Variants in RAD54B observed in about 807,000 individuals in gnomAD.
The protein encoded by RAD54B is DNA repair and recombination protein RAD54B.
A neutral mutation model predicts 95.8 loss-of-function variants in RAD54B; 78 were observed. The observed-to-expected ratio is 0.81, with a 90% CI of 0.68 to 0.98. The LOEUF is 0.98. RAD54B is among the 50% of genes least tolerant of loss of function. The pLI is 0.00. For synonymous variants in RAD54B, 328 were observed against 354.9 expected (o/e 0.92, Z 0.85); for missense variants, 957 against 1,056.6 (o/e 0.91, Z 1.31).
chr8:94,412,336 G>A (rs1381967843), intron 3 of RAD54B, among the ~76,000 whole-genome samples: 1 of 151,290 alleles, frequency 6.6e-6, no homozygotes, highest in African/African-American at 2.4e-5. Flanking sequence ...CAAGGAACAT[G>A]GGAATGCAGA....
At chr8:94,456,199 C>T (rs1001650485) in intron 3 of RAD54B, among the ~76,000 whole-genome samples, 3 of 152,136 alleles carry the variant, frequency 2.0e-5, no homozygotes, top group African/African-American at 7.2e-5. Context: ...AGACCTACAT[C>T]TTCATTCTCA....
intron 11 of RAD54B, among the ~76,000 whole-genome samples, chr8:94,382,845 C>T (rs2129962651): frequency 6.6e-6 from 1 of 152,332 alleles, no homozygotes; most frequent in Non-Finnish European, 1.5e-5. Context: ...GTCTTTGCTT[C>T]CCCTTTGCCT....
intron 2 of RAD54B, among the ~76,000 whole-genome samples, chr8:94,461,808 G>C (rs1812912989): frequency 6.6e-6 from 1 of 152,102 alleles, no homozygotes; most frequent in African/African-American, 2.4e-5. Flanking sequence ...ACTTCAAGGT[G>C]TGTTTCCAAA....
At chr8:94,443,164 T>C (rs1812441088) in intron 3 of RAD54B, among the ~76,000 whole-genome samples, 1 of 152,120 alleles carries the variant, frequency 6.6e-6, no homozygotes, top group African/African-American at 2.4e-5. Flanking sequence ...GATCATGTCT[T>C]TTGCAGGGAC....
Position 94,385,906 on chromosome 8 carries a change from T to A in RAD54B, c.1985+1078A>T, listed in dbSNP as rs535305146. ...GGACCACATGGTATGTGTGAAGGAGTGATGAGAGATGAGGCTGGAAAAGGA... is the reference window on the plus strand; with the variant it reads ...GGACCACATGGTATGTGTGAAGGAGAGATGAGAGATGAGGCTGGAAAAGGA... On this transcript the variant is annotated intron_variant, in intron 11 of 14. Coordinates refer to ENST00000336148, the MANE Select transcript of RAD54B (RefSeq NM_012415.3). Among the ~76,000 whole-genome samples, 6 of 151,622 alleles carry A rather than the reference T, an allele frequency of 4.0e-5. No homozygotes were observed. The East Asian group carries it at 1.2e-3, about 29-fold the overall frequency.
chr8:94,430,673 A>G, intron 3 of RAD54B: 3 of 778,590 alleles, frequency 3.9e-6, no homozygotes, highest in Non-Finnish European at 4.7e-6. Context: ...CCAATGGCTC[A>G]GTGAGGCCCA....
intron 2 of RAD54B, among the ~76,000 whole-genome samples, chr8:94,461,175 T>TC (rs1448444008): frequency 1.5e-4 from 20 of 137,526 alleles, no homozygotes; most frequent in Non-Finnish European, 2.8e-4. Context: ...TTTTTTTTTT[T>TC]TTTTTTTTTT....
chr8:94,391,577 C>A lies in RAD54B; in HGVS notation c.1809+32G>T, dbSNP rs765292287. The stretch of plus-strand genomic sequence containing the variant: ...TTCATATACTATAGAACCCTCATAT[C>A]CCTGACACAGTTTCAGATACTATGC... On this transcript the variant is annotated intron_variant, in intron 10 of 14. Transcript: ENST00000336148. 38 of 1,594,326 alleles carry A rather than the reference C, an allele frequency of 2.4e-5. No homozygotes were observed. The Admixed American group carries it at 4.5e-4, about 19-fold the overall frequency.
chr8:94,426,802 A>G (rs1269762329), intron 3 of RAD54B, among the ~76,000 whole-genome samples: 1 of 152,170 alleles, frequency 6.6e-6, no homozygotes, highest in Non-Finnish European at 1.5e-5. Context: ...AAACTCACCA[A>G]ATGGTATATT....
At chr8:94,472,592 C>G (rs1395015163) in intron 1 of RAD54B, among the ~76,000 whole-genome samples, 1 of 152,074 alleles carries the variant, frequency 6.6e-6, no homozygotes, top group African/African-American at 2.4e-5. Flanking sequence ...AGTCAGACTC[C>G]CCTCTAATAC....
chr8:94,439,420 C>T (rs938693156), intron 3 of RAD54B, among the ~76,000 whole-genome samples: 3 of 152,076 alleles, frequency 2.0e-5, no homozygotes, highest in African/African-American at 4.8e-5. Flanking sequence ...AAATGAAAGA[C>T]GCAGATCATA....
chr8:94,414,047 G>T (rs1487639549), intron 3 of RAD54B, among the ~76,000 whole-genome samples: 2 of 151,956 alleles, frequency 1.3e-5, no homozygotes, highest in East Asian at 3.9e-4. Flanking sequence ...GGTTGGCCAG[G>T]CTGGTCTTGA....
chr8:94,380,474 A>G, intron 11 of RAD54B, 68 bp from the exon 12 acceptor site: 1 of 1,410,256 alleles, frequency 7.1e-7, no homozygotes. Flanking sequence ...TAGTTGAAAG[A>G]AAATACCACA....
At chr8:94,461,573 A>C (rs1812906237) in intron 2 of RAD54B, among the ~76,000 whole-genome samples, 1 of 152,156 alleles carries the variant, frequency 6.6e-6, no homozygotes, top group Non-Finnish European at 1.5e-5. Flanking sequence ...ATATTAAAGT[A>C]AGTCAACTAA....
At chr8:94,467,834 C>T (rs1290104126) in intron 1 of RAD54B, 2 of 245,668 alleles carry the variant, frequency 8.1e-6, no homozygotes, top group East Asian at 1.7e-4. Flanking sequence ...TGTTTGGTTC[C>T]CTCTAGAAAC....
intron 4 of RAD54B, among the ~76,000 whole-genome samples, chr8:94,410,860 A>G (rs114081003): frequency 5.5e-4 from 83 of 152,250 alleles, no homozygotes; most frequent in African/African-American, 1.8e-3. Context: ...CAAAATAACT[A>G]TATATAGCTG....
At chr8:94,422,754 A>T (rs1310303314) in intron 3 of RAD54B, among the ~76,000 whole-genome samples, 6 of 105,410 alleles carry the variant, frequency 5.7e-5, no homozygotes, top group South Asian at 2.8e-4. Context: ...ACAAAAAATT[A>T]TATATATATA....
chr8:94,472,690 T>C (rs2130216583), intron 1 of RAD54B, among the ~76,000 whole-genome samples: 1 of 152,134 alleles, frequency 6.6e-6, no homozygotes, highest in Non-Finnish European at 1.5e-5. Context: ...GAAACCAGAG[T>C]GTAGTTCAGA....
At chr8:94,460,989 C>T (rs958357218) in intron 2 of RAD54B, among the ~76,000 whole-genome samples, 5 of 151,942 alleles carry the variant, frequency 3.3e-5, no homozygotes, top group African/African-American at 7.3e-5. Context: ...ACATTAATCA[C>T]GTCAGCAAAG....
Sources: allele counts gnomAD v4.1 joint callset (sites outside exome capture counted in the v4.1 genomes callset), GRCh38; gene constraint gnomAD v4.1.1; transcripts MANE v1.5; gene names NCBI Gene and HGNC (gene_info 2026-07-23, HGNC 2026-07-21).